TFDP1: variants seen among roughly 807,000 people sequenced by gnomAD.
TFDP1 encodes the protein DRTF1-polypeptide 1.
TFDP1 carries 6 observed loss-of-function variants against 48.0 expected under a neutral mutation model. The ratio of observed to expected loss-of-function variants is 0.13; its 90% CI spans 0.07 to 0.25. The LOEUF (loss-of-function observed/expected upper bound fraction) is 0.25, where lower values mean the gene tolerates loss of function less well. Ranked by LOEUF, TFDP1 falls within the 10% of genes least tolerant of loss-of-function variation. The probability of loss-of-function intolerance (pLI) is 1.00; values close to 1 mark genes in which losing one functional copy is unlikely to be tolerated. For synonymous variants in TFDP1, 201 were observed against 211.6 expected, an observed-to-expected ratio of 0.95 and a Z score of 0.44; for missense variants, 335 against 543.0, an observed-to-expected ratio of 0.62 and a Z score of 3.81.
chr13:113,613,719 GGA>G (rs1566655767), intron 3 of TFDP1, among the ~76,000 whole-genome samples: 1 of 130,694 alleles, frequency 7.7e-6, no homozygotes, highest in Non-Finnish European at 1.6e-5. Context: ...GGGTATGTGA[GGA>G]GTGTGTGCAT....
intron 2 of TFDP1, among the ~76,000 whole-genome samples, chr13:113,609,152 C>T (rs1161480470): frequency 6.6e-6 from 1 of 152,234 alleles, no homozygotes; most frequent in East Asian, 1.9e-4. Flanking sequence ...AGAGCGCCTC[C>T]TGGGTGCAGT....
intron 2 of TFDP1, among the ~76,000 whole-genome samples, chr13:113,602,650 A>G (rs945955733): frequency 6.6e-6 from 1 of 152,296 alleles, no homozygotes; most frequent in East Asian, 1.9e-4. Context: ...GTTCCTTGAC[A>G]CTTTTATGGC....
Position 113,641,119 on chromosome 13 carries a change from T to C in TFDP1, c.*852T>C, listed in dbSNP as rs2049629923. Reference sequence around the variant, plus strand: ...TTAAAGACATGTACTGAAACAAATGTATTTGTTTCATAAGCATCTTCCTGT... The same window carrying C: ...TTAAAGACATGTACTGAAACAAATGCATTTGTTTCATAAGCATCTTCCTGT... On this transcript the variant is annotated 3_prime_UTR_variant, in exon 12 of 12. Coordinates refer to ENST00000375370, the MANE Select transcript of TFDP1 (RefSeq NM_007111.5). 6.5e-6 allele frequency: 1 copy of C among 152,684 alleles called. No individual in the cohort carries two copies. The allele number at this position is 152,684 out of a possible 1,614,324, so 9.5% of individuals were successfully genotyped here. A position where few individuals can be genotyped will look rare whatever the true frequency, so the allele number is the denominator to read the frequency against.
chr13:113,634,904 CCTGTGTGCGT>C (rs1358633781), intron 8 of TFDP1, among the ~76,000 whole-genome samples: 42 of 151,460 alleles, frequency 2.8e-4, no homozygotes, highest in African/African-American at 9.9e-4. Flanking sequence ...CGTGCATGTG[CCTGTGTGCGT>C]GTGTGTGTGT....
At chr13:113,624,346 T>C (rs1366447099) in intron 4 of TFDP1, among the ~76,000 whole-genome samples, 1 of 150,996 alleles carries the variant, frequency 6.6e-6, no homozygotes, top group Non-Finnish European at 1.5e-5. Flanking sequence ...TCGGGTGTCC[T>C]CAGGTGTCTC....
Position 113,627,487 on chromosome 13 carries a change from G to A in TFDP1, c.187-4136G>A, listed in dbSNP as rs74693720. On this transcript the variant is annotated intron_variant, in intron 4 of 11. Transcript: ENST00000375370. The surrounding 1 kb of genome is among the most constrained non-coding windows in gnomAD (Gnocchi z 4.1). ...CACTGGCCCTGTCTCTCTGGACACC[G>A]CGGTTAACCTTGGTCCATCTCTAGG... Among the ~76,000 whole-genome samples the A allele has an allele frequency of 6.2e-3, 951 of 152,316 alleles. 33 individuals are homozygous for A. In the East Asian group the frequency reaches 0.11, roughly 17 times the overall value.
rs538891293 is a variant in TFDP1 at position 113,626,006 on chromosome 13, G to A, written c.186+2720G>A. Among the ~76,000 whole-genome samples, 802 of 147,482 alleles carry A rather than the reference G, an allele frequency of 5.4e-3. 3 individuals carry two copies. Among genetic ancestry groups the A allele is most frequent in the African/African-American group, 0.02 (761 of 38,656 alleles). On this transcript the variant is annotated intron_variant, in intron 4 of 11. Transcript: ENST00000375370. Reference sequence around the variant, plus strand: ...TCAGGTGTCTCTCACGTGTCCTCAGGTGTCTCTCACGTGTCCTCAGGTGTC... The same window carrying A: ...TCAGGTGTCTCTCACGTGTCCTCAGATGTCTCTCACGTGTCCTCAGGTGTC...
chr13:113,598,211 G>A lies in TFDP1; in HGVS notation c.12+12362G>A, dbSNP rs954969880. Reference sequence around the variant, plus strand: ...CTGCCAGGTTCATACCACACAACCCGGTGCAGCCCACCCCAAAGACAGCGG... The same window carrying A: ...CTGCCAGGTTCATACCACACAACCCAGTGCAGCCCACCCCAAAGACAGCGG... On this transcript the variant is annotated intron_variant, in intron 2 of 11. Coordinates refer to ENST00000375370, the MANE Select transcript of TFDP1 (RefSeq NM_007111.5). This position sits in a 1 kb window ranked among gnomAD's most constrained non-coding sequence, Gnocchi z 4.2. Among the ~76,000 whole-genome samples the A allele has an allele frequency of 6.6e-6, 1 of 152,086 alleles. No homozygotes were observed. The highest frequency in any genetic ancestry group is 6.6e-5 in the Admixed American group (1 of 15,260).
At chr13:113,622,529 T>G (rs1383054868) in intron 3 of TFDP1, among the ~76,000 whole-genome samples, 1 of 152,248 alleles carries the variant, frequency 6.6e-6, no homozygotes, top group Non-Finnish European at 1.5e-5. Context: ...ATGCCAGTTT[T>G]TGAACTTTAT....
At chr13:113,624,890 C>T (rs184360449) in intron 4 of TFDP1, among the ~76,000 whole-genome samples, 21 of 133,174 alleles carry the variant, frequency 1.6e-4, no homozygotes, top group Middle Eastern at 6.0e-3. Flanking sequence ...GTGTCTCTCA[C>T]GTGTCCTCCG....
At chr13:113,616,802 T>C (rs1413099183) in intron 3 of TFDP1, among the ~76,000 whole-genome samples, 2 of 151,652 alleles carry the variant, frequency 1.3e-5, no homozygotes, top group African/African-American at 2.4e-5. Context: ...AGGAAGGGGG[T>C]TATAGGAAGG....
Position 113,633,088 on chromosome 13 carries a change from C to T in TFDP1, c.309-32C>T, listed in dbSNP as rs2049380268. ...TCAGGCTGATCCTCAGGAGGGCTGA[C>T]AGTCGCTTCTCTTTTCCTTTGTATT... On this transcript the variant is annotated intron_variant, in intron 5 of 11. Coordinates refer to ENST00000375370, the MANE Select transcript of TFDP1 (RefSeq NM_007111.5). The surrounding 1 kb of genome is among the most constrained non-coding windows in gnomAD (Gnocchi z 4.5). 1 of 1,612,922 alleles carries T rather than the reference C, an allele frequency of 6.2e-7. No homozygotes were observed. Among genetic ancestry groups the T allele is most frequent in the Admixed American group, 1.7e-5 (1 of 59,830 alleles).
Position 113,636,085 on chromosome 13 carries a change from A to G in TFDP1, c.796A>G (p.Thr266Ala). ...VIHLPFIIVNTSKKTVIDCSI... is the reference protein window; with the variant it reads ...VIHLPFIIVNASKKTVIDCSI... ...CCACCTGCCCTTCATCATCGTCAAC[A>G]CCAGCAAGAAGACGGTCATCGACTG... Residue 266 changes from threonine (T) to alanine (A), a missense_variant, in exon 9 of 12, where the codon ACC (threonine) becomes GCC (alanine). By Grantham distance (58) the Thr-to-Ala change is moderately conservative (BLOSUM62 0). Transcript: ENST00000375370. The G allele has an allele frequency of 6.2e-7, 1 of 1,614,164 alleles. No homozygotes were observed. The highest frequency in any genetic ancestry group is 8.5e-7 in the Non-Finnish European group (1 of 1,180,028).
chr13:113,587,366 G>A (rs1349468005), intron 2 of TFDP1, among the ~76,000 whole-genome samples: 1 of 152,134 alleles, frequency 6.6e-6, no homozygotes, highest in Non-Finnish European at 1.5e-5. Context: ...AGGAGAGTAG[G>A]ATTCTGCAGC....
chr13:113,635,332 G>T (rs2049457080), intron 8 of TFDP1, among the ~76,000 whole-genome samples: 1 of 152,236 alleles, frequency 6.6e-6, no homozygotes, highest in African/African-American at 2.4e-5. Context: ...AGCTCCTCAG[G>T]ACCCACAGAG....
intron 2 of TFDP1, among the ~76,000 whole-genome samples, chr13:113,608,157 CAGGCATGGGGAGG>C (rs1376950448): frequency 6.6e-6 from 1 of 152,194 alleles, no homozygotes; most frequent in Non-Finnish European, 1.5e-5. Flanking sequence ...ACATGCCCTG[CAGGCATGGGGAGG>C]AGCAGCCCCC....
chr13:113,614,139 TATGTGCGTGTGC>T (rs2048794003), intron 3 of TFDP1, among the ~76,000 whole-genome samples: 1 of 150,370 alleles, frequency 6.7e-6, no homozygotes, highest in Non-Finnish European at 1.5e-5. Flanking sequence ...CATGGAGTGT[TATGTGCGTGTGC>T]ATGTGTGTGT....
chr13:113,598,675 G>C lies in TFDP1; in HGVS notation c.13-12321G>C, dbSNP rs937091955. Among the ~76,000 whole-genome samples the C allele has an allele frequency of 4.6e-5, 7 of 152,182 alleles. No individual in the cohort carries two copies. Among genetic ancestry groups the C allele is most frequent in the Admixed American group, 1.3e-4 (2 of 15,286 alleles). The stretch of plus-strand genomic sequence containing the variant: ...ACCTGGGGTTCGTGTTGCCCTCCTG[G>C]GTGGAGTCTGCGTCCCCCTTTCCTG... On this transcript the variant is annotated intron_variant, in intron 2 of 11. Coordinates refer to ENST00000375370, the MANE Select transcript of TFDP1 (RefSeq NM_007111.5). The surrounding 1 kb of genome is among the most constrained non-coding windows in gnomAD (Gnocchi z 4.2).
rs186814215 is a variant in TFDP1, at chr13:113,633,603, G to A, written c.475-287G>A. 1.3e-5 allele frequency among the ~76,000 whole-genome samples: 2 copies of A among 152,356 alleles called. No homozygotes were observed. The highest frequency in any genetic ancestry group is 1.9e-4 in the East Asian group (1 of 5,176). ...TTTGTCAACTCCAGTGAGTGAGCAC[G>A]TGGGCTGGCTCTGCACGTCTAGCGG... On this transcript the variant is annotated intron_variant, in intron 6 of 11. Coordinates refer to ENST00000375370, the MANE Select transcript of TFDP1 (RefSeq NM_007111.5). This position sits in a 1 kb window ranked among gnomAD's most constrained non-coding sequence, Gnocchi z 4.5.
Sources: gnomAD v4.1 joint callset for allele counts (sites outside exome capture counted in the v4.1 genomes callset) on GRCh38, gnomAD v4.1.1 for gene constraint, Gnocchi (gnomAD v3.1) non-coding constraint, MANE v1.5 for transcripts, NCBI Gene and HGNC (gene_info 2026-07-23, HGNC 2026-07-21) for gene names.